The following PYHIN1 variants were observed in gnomAD, a reference collection of about 807,000 sequenced individuals.
The protein encoded by PYHIN1 is pyrin and HIN domain-containing protein 1.
In PYHIN1, 32 loss-of-function variants were observed where a neutral mutation model predicts 43.7. The ratio of observed to expected loss-of-function variants is 0.73; its 90% CI spans 0.55 to 0.98. The LOEUF (loss-of-function observed/expected upper bound fraction) is 0.98. Ranked by LOEUF, PYHIN1 falls within the 50% of genes least tolerant of loss-of-function variation. PYHIN1 has a pLI of 0.00. For synonymous variants in PYHIN1, 205 were observed against 203.1 expected, an observed-to-expected ratio of 1.01 and a Z score of -0.08; for missense variants, 588 against 589.5, an observed-to-expected ratio of 1.00 and a Z score of 0.03.
chr1:158,944,905 G>C lies in PYHIN1; in HGVS notation c.1222G>C (p.Asp408His). The change falls in exon 7 of 9, where the codon GAC becomes CAC. Residue 408 changes from aspartate to histidine, a missense_variant. Asp to His is a moderately conservative substitution (Grantham distance 81, BLOSUM62 -1). Transcript: ENST00000368140. ...IQKNTNQRSHDSRSMALPQEQ... is the reference protein window; with the variant it reads ...IQKNTNQRSHHSRSMALPQEQ... ...GAAAAATACAAACCAGAGAAGCCAT[G>C]ACTCCAGGAGCATGGCACTACCCCA... The C allele has an allele frequency of 6.3e-7, 1 of 1,597,766 alleles. No individual in the cohort carries two copies. Among genetic ancestry groups the C allele is most frequent in the Non-Finnish European group, 8.5e-7 (1 of 1,172,356 alleles).
chr1:158,981,128 G>T (rs111379953), downstream of PYHIN1, among the ~76,000 whole-genome samples: 1 of 152,038 alleles, frequency 6.6e-6, no homozygotes, highest in Non-Finnish European at 1.5e-5. Context: ...TGTTGTATAC[G>T]TACCACATTT....
chr1:158,943,848 C>T lies in PYHIN1; in HGVS notation c.1061C>T (p.Ala354Val). 2 of 1,609,150 alleles carry T rather than the reference C, an allele frequency of 1.2e-6. No individual in the cohort carries two copies. Among genetic ancestry groups the T allele is most frequent in the Middle Eastern group, 1.7e-4 (1 of 6,042 alleles). ...ATTCAGGATAAAACAGGAAGTATGG[C>T]TGTAGTAGGAAAAGGAGAATGCCAC... ...YEIQDKTGSMAVVGKGECHNI... is the reference protein window; with the variant it reads ...YEIQDKTGSMVVVGKGECHNI... The change falls in exon 6 of 9, where the codon GCT becomes GTT. Residue 354 changes from alanine (A) to valine (V), a missense_variant. Physicochemically the swap from Ala to Val is moderately conservative, Grantham distance 64. Transcript: ENST00000368140.
chr1:158,960,103 C>T (rs972012309), intron 7 of PYHIN1, among the ~76,000 whole-genome samples: 1 of 152,194 alleles, frequency 6.6e-6, no homozygotes, highest in African/African-American at 2.4e-5. Flanking sequence ...TATATACAAG[C>T]TCTCTATTTT....
chr1:158,946,938 G>T (rs576877719), intron 7 of PYHIN1, among the ~76,000 whole-genome samples: 15 of 152,228 alleles, frequency 9.9e-5, no homozygotes, highest in African/African-American at 3.6e-4. Flanking sequence ...TCCTAATTCA[G>T]CCCCAGAGCA....
chr1:158,982,589 G>T, the PYHIN1 span, among the ~76,000 whole-genome samples: 1 of 152,060 alleles, frequency 6.6e-6, no homozygotes, highest in South Asian at 2.1e-4. Flanking sequence ...CTCCAGCTTT[G>T]TGGTTTCTGC....
At chr1:158,958,935 G>A (rs1215836325) in intron 7 of PYHIN1, among the ~76,000 whole-genome samples, 1 of 151,354 alleles carries the variant, frequency 6.6e-6, no homozygotes, top group Non-Finnish European at 1.5e-5. Flanking sequence ...GCCTTAAGCG[G>A]CTGTTTCAAT....
intron 4 of PYHIN1, 70 bp from the exon 5 acceptor site, chr1:158,941,907 T>A: frequency 1.4e-6 from 2 of 1,427,904 alleles, no homozygotes; most frequent in Non-Finnish European, 9.3e-7. Flanking sequence ...TGCCTTGAGG[T>A]CACTGAAGAG....
intron 5 of PYHIN1, 53 bp downstream of exon 5, chr1:158,942,452 A>C: frequency 7.0e-7 from 1 of 1,419,838 alleles, no homozygotes; most frequent in Non-Finnish European, 9.5e-7. Flanking sequence ...CTTGAAATTA[A>C]AAGCCCTGAT....
At chr1:158,966,499 C>T (rs1650643297) in intron 7 of PYHIN1, among the ~76,000 whole-genome samples, 1 of 152,072 alleles carries the variant, frequency 6.6e-6, no homozygotes, top group Non-Finnish European at 1.5e-5. Flanking sequence ...CAAAATCTAG[C>T]AGTACTTCAA....
At chr1:158,984,093 C>A in the PYHIN1 span, among the ~76,000 whole-genome samples, 2 of 114,828 alleles carry the variant, frequency 1.7e-5, no homozygotes, top group African/African-American at 6.6e-5. Context: ...TTTCAAAAAA[C>A]CAATTTTTAG....
Position 158,933,581 on chromosome 1 carries a change from A to C in PYHIN1, c.-21+1805A>C, listed in dbSNP as rs1206801274. On this transcript the variant is annotated intron_variant, in intron 1 of 8. Transcript: ENST00000368140. The surrounding 1 kb of genome is among the most constrained non-coding windows in gnomAD (Gnocchi z 6.3). ...AGAAATTTTAAATCAAATTTGATAA[A>C]AGTTGTCATTTAACTAGTTAACCTC... 6.6e-6 allele frequency among the ~76,000 whole-genome samples: 1 copy of C among 152,040 alleles called. No homozygotes were observed. The highest frequency in any genetic ancestry group is 1.5e-5 in the Non-Finnish European group (1 of 67,952).
chr1:158,967,261 G>A (rs1415350194), intron 7 of PYHIN1, among the ~76,000 whole-genome samples: 1 of 151,978 alleles, frequency 6.6e-6, no homozygotes, highest in Non-Finnish European at 1.5e-5. Context: ...TATGTGACAG[G>A]CACTGTGTAC....
the PYHIN1 span, among the ~76,000 whole-genome samples, chr1:158,985,605 T>C: frequency 6.6e-6 from 1 of 152,208 alleles, no homozygotes. Context: ...ACCTTGATCT[T>C]GGAGAATTGG....
chr1:158,955,681 C>T (rs1649872588), intron 7 of PYHIN1, among the ~76,000 whole-genome samples: 1 of 105,736 alleles, frequency 9.5e-6, no homozygotes, highest in African/African-American at 3.6e-5. Context: ...CCTAACATCA[C>T]AATTAAAAGA....
intron 7 of PYHIN1, among the ~76,000 whole-genome samples, chr1:158,964,544 C>T (rs1416278350): frequency 2.0e-5 from 3 of 152,188 alleles, no homozygotes; most frequent in Admixed American, 1.3e-4. Flanking sequence ...GAACTTTCAA[C>T]AGGAGCCTGA....
chr1:158,966,398 C>A (rs562456779), intron 7 of PYHIN1, among the ~76,000 whole-genome samples: 9 of 152,038 alleles, frequency 5.9e-5, no homozygotes, highest in Admixed American at 2.6e-4. Context: ...ATCCTGATAA[C>A]AAAAGGCAGA....
At chr1:158,953,744 G>A (rs1649736511) in intron 7 of PYHIN1, among the ~76,000 whole-genome samples, 1 of 152,228 alleles carries the variant, frequency 6.6e-6, no homozygotes, top group African/African-American at 2.4e-5. Context: ...GAACAAAGCT[G>A]GATGGAGAAT....
At chr1:158,956,750 C>G (rs1022553708) in intron 7 of PYHIN1, among the ~76,000 whole-genome samples, 6 of 149,346 alleles carry the variant, frequency 4.0e-5, no homozygotes, top group Admixed American at 2.7e-4. Context: ...GAAGTTCTGG[C>G]CAGGGCAATT....
chr1:158,935,066 G>C (rs1480541834), intron 1 of PYHIN1, among the ~76,000 whole-genome samples: 1 of 152,116 alleles, frequency 6.6e-6, no homozygotes, highest in African/African-American at 2.4e-5. Context: ...AAAGTGCACT[G>C]GTGCTAAAGA....
Sources: allele counts gnomAD v4.1 joint callset (sites outside exome capture counted in the v4.1 genomes callset), GRCh38; gene constraint gnomAD v4.1.1; non-coding constraint Gnocchi (gnomAD v3.1); transcripts MANE v1.5; gene names NCBI Gene and HGNC (gene_info 2026-07-23, HGNC 2026-07-21).